Variants in TRIM49B observed in about 807,000 individuals in gnomAD.
The protein encoded by TRIM49B is putative tripartite motif-containing protein 49B.
TRIM49B carries 18 observed loss-of-function variants against 31.8 expected under a neutral mutation model. That is an observed-to-expected ratio of 0.57 (90% CI 0.39 to 0.84). TRIM49B has a LOEUF of 0.84. Ranked by LOEUF, TRIM49B falls within the 40% of genes least tolerant of loss-of-function variation. TRIM49B has a pLI of 0.00. For missense variants in TRIM49B, 494 were observed against 538.7 expected, an observed-to-expected ratio of 0.92 and a Z score of 0.82; for synonymous variants, 196 against 180.6, an observed-to-expected ratio of 1.09 and a Z score of -0.68.
At chr11:49,034,487 A>C in intron 4 of TRIM49B, 111 bp downstream of exon 4, 1 of 1,605,406 alleles carries the variant, frequency 6.2e-7, no homozygotes, top group Non-Finnish European at 8.5e-7. Flanking sequence ...GTTTCCAAAA[A>C]CACATTCACA....
chr11:49,034,638 T>G (rs1399565715), intron 4 of TRIM49B, among the ~76,000 whole-genome samples: 1 of 152,092 alleles, frequency 6.6e-6, no homozygotes, highest in Non-Finnish European at 1.5e-5. Context: ...CCCCATCTAA[T>G]TCAATAATAT....
chr11:49,036,935 T>C (rs974478717), intron 6 of TRIM49B, among the ~76,000 whole-genome samples: 3 of 152,242 alleles, frequency 2.0e-5, no homozygotes, highest in Admixed American at 1.3e-4. Flanking sequence ...TTCAGTTTAA[T>C]TGCAATATGA....
Position 49,031,800 on chromosome 11 carries a change from C to T in TRIM49B, c.201C>T (p.Asn67=). ...CAGGGCAGATAAACCTCAAAACCAA[C>T]ATTCATTTCAAGAAGATGGCTTCTC... ...KSTGQINLKT[N]IHFKKMASLA... is the part of the protein sequence containing the mutation. Residue 67 remains asparagine (N), a synonymous_variant, in exon 2 of 7, where the codon AAC becomes AAT. Coordinates refer to ENST00000332682, the MANE Select transcript of TRIM49B (RefSeq NM_001206626.2). 6.2e-7 allele frequency: 1 copy of T among 1,614,010 alleles called. No homozygotes were observed. The highest frequency in any genetic ancestry group is 8.5e-7 in the Non-Finnish European group (1 of 1,179,874).
rs1411935448 is a variant in TRIM49B at position 49,037,820 on chromosome 11, A to G, written c.1202A>G (p.Tyr401Cys). 6.2e-7 allele frequency: 1 copy of G among 1,613,826 alleles called. No individual in the cohort carries two copies. The highest frequency in any genetic ancestry group is 8.5e-7 in the Non-Finnish European group (1 of 1,179,872). ...LFTTSPLLLQ[Y>C]IPRPTSRVGL... ...ACCACCTCCCCACTTCTGCTGCAAT[A>G]TATCCCAAGACCTACCAGCCGAGTA... The change falls in exon 7 of 7, where the codon TAT becomes TGT. Residue 401 changes from tyrosine (Y) to cysteine (C), a missense_variant. By Grantham distance (194) the Tyr-to-Cys change is radical (BLOSUM62 -2). Around this residue, in one of 3 missense-constraint regions of TRIM49B, gnomAD observed 233 missense variants for 281.4 expected, o/e 0.83. Transcript: ENST00000332682.
At chr11:49,029,050 CAT>C (rs1854416193) in intron 1 of TRIM49B, 75 bp downstream of exon 1, 1 of 152,184 alleles carries the variant, frequency 6.6e-6, no homozygotes, top group African/African-American at 2.4e-5. Flanking sequence ...AAAAATATCT[CAT>C]TATCTTAAAT....
Position 49,038,039 on chromosome 11 carries a change from C to A in TRIM49B, c.*62C>A. The A allele has an allele frequency of 6.4e-7, 1 of 1,572,526 alleles. No homozygotes were observed. The highest frequency in any genetic ancestry group is 8.6e-7 in the Non-Finnish European group (1 of 1,164,108). On this transcript the variant is annotated 3_prime_UTR_variant, in exon 7 of 7. Transcript: ENST00000332682. ...GAACCCCTTTATCCCAGGAAGTCCT[C>A]TTCCTTGTGCCTTAACATACAGGAC...
chr11:49,030,352 A>C (rs766535707), intron 1 of TRIM49B, among the ~76,000 whole-genome samples: 1 of 6,318 alleles, frequency 1.6e-4, no homozygotes, highest in Non-Finnish European at 4.4e-4. Flanking sequence ...AAAGAAAAAC[A>C]AAAAAAACTA....
intron 5 of TRIM49B, among the ~76,000 whole-genome samples, chr11:49,035,724 T>C (rs1396753570): frequency 6.6e-6 from 1 of 151,786 alleles, no homozygotes; most frequent in Non-Finnish European, 1.5e-5. Context: ...TTGTGGATGG[T>C]GAGAAAGTCA....
At chr11:49,031,472 TA>T in intron 1 of TRIM49B, 123 bp from the exon 2 acceptor site, 1 of 1,492,080 alleles carries the variant, frequency 6.7e-7, no homozygotes, top group Admixed American at 2.3e-5. Flanking sequence ...ACAGAAGAAA[TA>T]GTTTGTTGTA....
In TRIM49B at chr11:49,037,528, G is replaced by A; in HGVS notation, c.910G>A (p.Glu304Lys). The change falls in exon 7 of 7, where the codon GAA becomes AAA. Residue 304 changes from glutamate to lysine, a missense_variant. Glu to Lys is a moderately conservative substitution (Grantham distance 56, BLOSUM62 1). Coordinates refer to ENST00000332682, the MANE Select transcript of TRIM49B (RefSeq NM_001206626.2). ...EEANSDIFLC[E>K]ILRSMCIGCD... Reference sequence around the variant, plus strand: ...AGCCAACAGTGATATCTTTCTATGTGAAATTTTGAGAAGCATGTGTATTGG... The same window carrying A: ...AGCCAACAGTGATATCTTTCTATGTAAAATTTTGAGAAGCATGTGTATTGG... The A allele has an allele frequency of 6.2e-7, 1 of 1,614,054 alleles. No homozygotes were observed. Among genetic ancestry groups the A allele is most frequent in the Middle Eastern group, 1.6e-4 (1 of 6,062 alleles).
intron 1 of TRIM49B, among the ~76,000 whole-genome samples, chr11:49,029,595 A>T (rs556495857): frequency 6.6e-6 from 1 of 152,362 alleles, no homozygotes; most frequent in East Asian, 1.9e-4. Flanking sequence ...AATATTTGCA[A>T]TTCTAAGATT....
Position 49,031,802 on chromosome 11 carries a change from T to A in TRIM49B, c.203T>A (p.Ile68Asn), listed in dbSNP as rs778633740. Residue 68 changes from isoleucine to asparagine, a missense_variant, in exon 2 of 7, where the codon ATT becomes AAT. Coordinates refer to ENST00000332682, the MANE Select transcript of TRIM49B (RefSeq NM_001206626.2). Reference sequence around the variant, plus strand: ...GGGCAGATAAACCTCAAAACCAACATTCATTTCAAGAAGATGGCTTCTCTT... The same window carrying A: ...GGGCAGATAAACCTCAAAACCAACAATCATTTCAAGAAGATGGCTTCTCTT... The part of the protein sequence containing the change: ...STGQINLKTN[I>N]HFKKMASLAR... 3 of 1,613,872 alleles carry A rather than the reference T, an allele frequency of 1.9e-6. No homozygotes were observed. Among genetic ancestry groups the A allele is most frequent in the African/African-American group, 2.7e-5 (2 of 74,930 alleles).
Position 49,032,025 on chromosome 11 carries a change from T to A in TRIM49B, c.411+15T>A, listed in dbSNP as rs1338454280. 1 of 1,611,854 alleles carries A rather than the reference T, an allele frequency of 6.2e-7. No homozygotes were observed. Among genetic ancestry groups the A allele is most frequent in the African/African-American group, 1.3e-5 (1 of 74,856 alleles). On this transcript the variant is annotated intron_variant, in intron 2 of 6. Transcript: ENST00000332682. ...AGGAACACCAGGTAAGTGATGGCTC[T>A]GAAGATCGATTTCTGTAAAGGATAC...
Position 49,037,493 on chromosome 11 carries a change from A to G in TRIM49B, c.875A>G (p.His292Arg), listed in dbSNP as rs1162577307. 6.2e-7 allele frequency: 1 copy of G among 1,614,020 alleles called. No individual in the cohort carries two copies. The highest frequency in any genetic ancestry group is 2.2e-5 in the East Asian group (1 of 44,882). ...LNQFRVHITL[H>R]HEEANSDIFL... The stretch of plus-strand genomic sequence containing the variant: ...TTTTTTGCAGTGCATATTACTCTGC[A>G]TCATGAAGAAGCCAACAGTGATATC... The change falls in exon 7 of 7, where the codon CAT becomes CGT. Residue 292 changes from histidine (H) to arginine (R), a missense_variant. Around this residue, in one of 3 missense-constraint regions of TRIM49B, gnomAD observed 233 missense variants for 281.4 expected, o/e 0.83. Transcript: ENST00000332682.
At chr11:49,030,057 G>T (rs1854425911) in intron 1 of TRIM49B, among the ~76,000 whole-genome samples, 1 of 152,130 alleles carries the variant, frequency 6.6e-6, no homozygotes, top group South Asian at 2.1e-4. Context: ...CACCTGGCTG[G>T]GCACTGTGGC....
chr11:49,038,093 G>A lies in TRIM49B; in HGVS notation c.*116G>A, dbSNP rs1172222630. 9.1e-6 allele frequency: 14 copies of A among 1,544,388 alleles called. No individual in the cohort carries two copies. Among genetic ancestry groups the A allele is most frequent in the Non-Finnish European group, 1.1e-5 (13 of 1,153,926 alleles). Reference sequence around the variant, plus strand: ...TAGGCTCTATTTTATATCTTGAATTGCCTTCTAATGTTATCAAAACTCATT... The same window carrying A: ...TAGGCTCTATTTTATATCTTGAATTACCTTCTAATGTTATCAAAACTCATT... On this transcript the variant is annotated 3_prime_UTR_variant, in exon 7 of 7. Coordinates refer to ENST00000332682, the MANE Select transcript of TRIM49B (RefSeq NM_001206626.2).
At chr11:49,034,037 AAGACAGAGGT>A (rs1565092321) in intron 3 of TRIM49B, 99 bp from the exon 4 acceptor site, 5 of 1,583,654 alleles carry the variant, frequency 3.2e-6, no homozygotes, top group East Asian at 4.5e-5. Context: ...AAGAACTGGC[AAGACAGAGGT>A]TTGAACTATT....
In TRIM49B at chr11:49,035,600, C is replaced by T. The variant is rs562035375; in HGVS notation, c.761+483C>T. On this transcript the variant is annotated intron_variant, in intron 5 of 6. Transcript: ENST00000332682. The stretch of plus-strand genomic sequence containing the variant: ...GTCTCTATCTCCTGACCCCGTGATC[C>T]GCCCGCCTCAGCCTCCCAAAGTGCT... 1.1e-3 allele frequency among the ~76,000 whole-genome samples: 168 copies of T among 151,886 alleles called. 2 individuals are homozygous for T. In the Middle Eastern group the frequency reaches 0.014, roughly 12 times the overall value.
chr11:49,035,216 A>G, intron 5 of TRIM49B, 99 bp downstream of exon 5: 1 of 1,570,432 alleles, frequency 6.4e-7, no homozygotes, highest in Non-Finnish European at 8.6e-7. Flanking sequence ...GGCATAAATA[A>G]TTAAGATATT....
Sources: allele counts gnomAD v4.1 joint callset (sites outside exome capture counted in the v4.1 genomes callset), GRCh38; gene constraint gnomAD v4.1.1; regional missense constraint gnomAD v4.1.1; transcripts MANE v1.5; gene names NCBI Gene and HGNC (gene_info 2026-07-23, HGNC 2026-07-21).